KDM5A: variants seen among roughly 807,000 people sequenced by gnomAD.
KDM5A encodes the protein lysine-specific demethylase 5A.
A neutral mutation model predicts 193.5 loss-of-function variants in KDM5A; 42 were observed. That is an observed-to-expected ratio of 0.22 (90% CI 0.17 to 0.28). The LOEUF is 0.28. KDM5A is among the 10% of genes least tolerant of loss of function. The pLI, the probability that KDM5A is intolerant of heterozygous loss-of-function variation, is 1.00. For missense variants in KDM5A, 1,692 were observed against 2,055.1 expected, an observed-to-expected ratio of 0.82 and a Z score of 3.42; for synonymous variants, 796 against 718.1, an observed-to-expected ratio of 1.11 and a Z score of -1.73.
At chr12:319,916 T>G (rs148736859) in intron 18 of KDM5A, among the ~76,000 whole-genome samples, 1 of 152,188 alleles carries the variant, frequency 6.6e-6, no homozygotes, top group African/African-American at 2.4e-5. Flanking sequence ...ATATTTAATG[T>G]CACTGGGCAA....
chr12:338,094 G>A (rs1943956865), intron 10 of KDM5A, among the ~76,000 whole-genome samples: 1 of 152,204 alleles, frequency 6.6e-6, no homozygotes, highest in Non-Finnish European at 1.5e-5. Context: ...GCACAAAGGA[G>A]TTAAACACAG....
At chr12:387,441 G>A (rs1256378114) in intron 1 of KDM5A, among the ~76,000 whole-genome samples, 4 of 152,066 alleles carry the variant, frequency 2.6e-5, no homozygotes, top group African/African-American at 7.2e-5. Context: ...TATGACTTAG[G>A]AAAACCTTCA....
chr12:388,380 TC>T (rs1323559240), intron 1 of KDM5A: 1 of 441,448 alleles, frequency 2.3e-6, no homozygotes, highest in South Asian at 1.6e-5. Flanking sequence ...TTCCTAAACC[TC>T]TAAATTTTAG....
intron 3 of KDM5A, among the ~76,000 whole-genome samples, chr12:370,400 A>C (rs1367420091): frequency 2.6e-5 from 4 of 152,196 alleles, no homozygotes; most frequent in African/African-American, 9.7e-5. Flanking sequence ...CTCAAAAATA[A>C]ATAAAAATTA....
chr12:363,120 G>C (rs1396555589), intron 4 of KDM5A, 23 bp from the exon 5 acceptor site: 12 of 1,613,614 alleles, frequency 7.4e-6, no homozygotes, highest in Non-Finnish European at 1.0e-5. Context: ...AGCACAGAAA[G>C]AGAGCAGGTT....
intron 27 of KDM5A, among the ~76,000 whole-genome samples, chr12:287,628 A>T (rs180781325): frequency 7.9e-5 from 12 of 152,220 alleles, no homozygotes; most frequent in Non-Finnish European, 1.5e-4. Context: ...GCTGTTTGGG[A>T]CTGGTAAAGG....
intron 10 of KDM5A, among the ~76,000 whole-genome samples, chr12:340,633 T>C (rs933819530): frequency 7.4e-6 from 1 of 135,950 alleles, no homozygotes; most frequent in Non-Finnish European, 1.5e-5. Flanking sequence ...AGGCAGAGGT[T>C]GCAGTGAGCT....
chr12:365,725 G>A (rs1944349474), intron 4 of KDM5A, among the ~76,000 whole-genome samples: 1 of 152,028 alleles, frequency 6.6e-6, no homozygotes, highest in Non-Finnish European at 1.5e-5. Flanking sequence ...AGTCATAAAG[G>A]TTTATTTTAA....
chr12:385,392 A>G (rs901389708), intron 2 of KDM5A, among the ~76,000 whole-genome samples: 1 of 151,978 alleles, frequency 6.6e-6, no homozygotes, highest in Non-Finnish European at 1.5e-5. Flanking sequence ...AATTTAAGAT[A>G]AATTAGTAAT....
At chr12:375,798 A>C (rs1247351692) in intron 3 of KDM5A, among the ~76,000 whole-genome samples, 1 of 152,232 alleles carries the variant, frequency 6.6e-6, no homozygotes. Context: ...TCCTTCTAAC[A>C]GTCAGGACCC....
At chr12:299,981 A>G (rs921419573) in intron 24 of KDM5A, among the ~76,000 whole-genome samples, 2 of 148,602 alleles carry the variant, frequency 1.3e-5, no homozygotes, top group Admixed American at 1.3e-4. Flanking sequence ...CAACAAGAAG[A>G]GCTAACTATC....
At chr12:323,236 A>AAAAAAAAAAAAG (rs1565533750) in intron 15 of KDM5A, 30 bp from the exon 16 acceptor site, 1 of 1,500,446 alleles carries the variant, frequency 6.7e-7, no homozygotes, top group South Asian at 1.3e-5. Context: ...AAAAAAAAAA[A>AAAAAAAAAAAAG]AAAGAAAACA....
intron 6 of KDM5A, among the ~76,000 whole-genome samples, chr12:355,801 T>G (rs1188612427): frequency 6.6e-6 from 1 of 152,218 alleles, no homozygotes; most frequent in Non-Finnish European, 1.5e-5. Flanking sequence ...TAATTAGTCT[T>G]TGTGACTGTA....
In KDM5A at chr12:345,150, C is replaced by CA. The variant is rs543621901; in HGVS notation, c.1308+5470dup. On this transcript the variant is annotated intron_variant, in intron 10 of 27. Coordinates refer to ENST00000399788, the MANE Select transcript of KDM5A (RefSeq NM_001042603.3). The stretch of plus-strand genomic sequence containing the variant: ...TCTGATAAAACAGACTTTGAACCAA[C>CA]AAAGATCTAAAGAGACAAGGAAGGC... Among the ~76,000 whole-genome samples, 6 of 151,574 alleles carry CA rather than the reference C, an allele frequency of 4.0e-5. No homozygotes were observed. In the South Asian group the frequency reaches 1.3e-3, roughly 32 times the overall value.
chr12:353,309 G>A (rs926156534), intron 8 of KDM5A, among the ~76,000 whole-genome samples: 5 of 152,096 alleles, frequency 3.3e-5, no homozygotes, highest in East Asian at 3.9e-4. Context: ...CAGACTGAGC[G>A]AGAGGCTGTA....
chr12:307,206 T>TC lies in KDM5A; in HGVS notation c.3931-118dup, dbSNP rs1482970458. 2 of 1,225,394 alleles carry TC rather than the reference T, an allele frequency of 1.6e-6. No homozygotes were observed. Among genetic ancestry groups the TC allele is most frequent in the East Asian group, 4.9e-5 (2 of 40,648 alleles). 75.9% of individuals were successfully genotyped at this position (1,225,394 alleles called of 1,614,324 possible). Reference sequence around the variant, plus strand: ...TAAGCAAAGTGGCTAACAGAGTTCTTCAACAGTTAGTAGAAATCAAATTAT... The same window carrying TC: ...TAAGCAAAGTGGCTAACAGAGTTCTTCCAACAGTTAGTAGAAATCAAATTAT... On this transcript the variant is annotated intron_variant, in intron 23 of 27. Transcript: ENST00000399788. The surrounding 1 kb of genome is among the most constrained non-coding windows in gnomAD (Gnocchi z 4.3).
chr12:357,771 T>C (rs529577473), intron 5 of KDM5A, among the ~76,000 whole-genome samples: 3 of 129,832 alleles, frequency 2.3e-5, no homozygotes, highest in Admixed American at 1.1e-4. Context: ...GAGGTTGCAG[T>C]GAGCTGAGAT....
intron 27 of KDM5A, 91 bp downstream of exon 27, chr12:292,668 A>C (rs140691217): frequency 1.2e-5 from 18 of 1,544,732 alleles, no homozygotes; most frequent in Non-Finnish European, 1.8e-6. Context: ...TCCTAGAACC[A>C]AAAACATACT....
chr12:374,496 AAGCACACTGGTG>A (rs1341572203), intron 3 of KDM5A, among the ~76,000 whole-genome samples: 1 of 152,166 alleles, frequency 6.6e-6, no homozygotes, highest in Non-Finnish European at 1.5e-5. Context: ...CTCCTGAATA[AAGCACACTGGTG>A]GATCTTGACT....
Sources: allele counts gnomAD v4.1 joint callset (sites outside exome capture counted in the v4.1 genomes callset), GRCh38; gene constraint gnomAD v4.1.1; non-coding constraint Gnocchi (gnomAD v3.1); transcripts MANE v1.5; gene names NCBI Gene and HGNC (gene_info 2026-07-23, HGNC 2026-07-21).